The following ZNRF3 variants were observed in gnomAD, a reference collection of about 807,000 sequenced individuals.
The protein encoded by ZNRF3 is zinc and ring finger 3.
ZNRF3 carries 23 observed loss-of-function variants against 72.5 expected under a neutral mutation model. That is an observed-to-expected ratio of 0.32 (90% CI 0.23 to 0.45). The LOEUF (loss-of-function observed/expected upper bound fraction) is 0.45. ZNRF3 is among the 20% of genes least tolerant of loss of function. ZNRF3 has a pLI of 1.00. For synonymous variants in ZNRF3, 610 were observed against 545.3 expected, an observed-to-expected ratio of 1.12 and a Z score of -1.65; for missense variants, 1,169 against 1,272.1, an observed-to-expected ratio of 0.92 and a Z score of 1.23.
chr22:28,970,973 C>T (rs1188342825), intron 1 of ZNRF3, among the ~76,000 whole-genome samples: 1 of 152,180 alleles, frequency 6.6e-6, no homozygotes, highest in African/African-American at 2.4e-5. Flanking sequence ...TCAAAACTCA[C>T]TACACATTGT....
chr22:28,944,423 C>A (rs966031281), intron 1 of ZNRF3, among the ~76,000 whole-genome samples: 43 of 151,602 alleles, frequency 2.8e-4, no homozygotes, highest in African/African-American at 1.0e-3. Flanking sequence ...GAGATTGAGA[C>A]CATCCTGGCT....
At chr22:28,983,225 G>A (rs1281196580) in intron 1 of ZNRF3, among the ~76,000 whole-genome samples, 1 of 152,204 alleles carries the variant, frequency 6.6e-6, no homozygotes, top group Non-Finnish European at 1.5e-5. Context: ...AGGAAGATTT[G>A]ATAGAGGAGT....
chr22:28,962,588 T>C (rs1475448463), intron 1 of ZNRF3, among the ~76,000 whole-genome samples: 1 of 152,190 alleles, frequency 6.6e-6, no homozygotes, highest in African/African-American at 2.4e-5. Flanking sequence ...ATTTCTTCCA[T>C]AGTTATAGAT....
chr22:29,014,016 G>A (rs765648813), intron 2 of ZNRF3, among the ~76,000 whole-genome samples: 2 of 152,140 alleles, frequency 1.3e-5, no homozygotes, highest in African/African-American at 2.4e-5. Context: ...TCTGTGTTCA[G>A]AGAAAAACAT....
chr22:28,970,375 G>A (rs2035547697), intron 1 of ZNRF3, among the ~76,000 whole-genome samples: 1 of 152,208 alleles, frequency 6.6e-6, no homozygotes. Context: ...AAAAGTGTCA[G>A]TGAGGAAGTG....
intron 2 of ZNRF3, among the ~76,000 whole-genome samples, chr22:29,029,609 G>A (rs778743834): frequency 1.3e-5 from 2 of 152,178 alleles, no homozygotes; most frequent in African/African-American, 2.4e-5. Context: ...AAATAACTGC[G>A]AAACTTCTAA....
rs193298765 is a variant in ZNRF3 at position 29,006,302 on chromosome 22, C to T, written c.426+19101C>T. On this transcript the variant is annotated intron_variant, in intron 2 of 8. Coordinates refer to ENST00000544604, the MANE Select transcript of ZNRF3 (RefSeq NM_001206998.2). ...AATCTCGGCTCACCGCAACCTCCAC[C>T]TCCCGGGTTAAAGCGATTCTCCTGC... Among the ~76,000 whole-genome samples the T allele has an allele frequency of 2.0e-4, 30 of 150,954 alleles. No homozygotes were observed. In the South Asian group the frequency reaches 5.7e-3, roughly 29 times the overall value.
At chr22:29,046,604 G>A (rs898988868) in intron 5 of ZNRF3, 112 bp from the exon 6 acceptor site, 14 of 1,222,754 alleles carry the variant, frequency 1.1e-5, no homozygotes, top group Middle Eastern at 2.6e-4. Flanking sequence ...AGTCTGTTCC[G>A]GCATGATAGA....
At chr22:28,918,952 G>C (rs1355497935) in intron 1 of ZNRF3, among the ~76,000 whole-genome samples, 2 of 152,212 alleles carry the variant, frequency 1.3e-5, no homozygotes, top group Non-Finnish European at 2.9e-5. Flanking sequence ...GAAAGTGCAA[G>C]ACACTTCTCT....
intron 2 of ZNRF3, among the ~76,000 whole-genome samples, chr22:29,016,026 A>AC (rs970681002): frequency 7.0e-5 from 10 of 143,152 alleles, no homozygotes; most frequent in South Asian, 2.1e-4. Flanking sequence ...AAAAAAAAAA[A>AC]AAACAAAAAA....
intron 1 of ZNRF3, among the ~76,000 whole-genome samples, chr22:28,934,193 T>A (rs1363787518): frequency 6.6e-6 from 1 of 152,200 alleles, no homozygotes; most frequent in Non-Finnish European, 1.5e-5. Flanking sequence ...TTTGGAGCTG[T>A]CGTGCCTAAT....
At chr22:28,892,457 T>G (rs2033907904) in intron 1 of ZNRF3, among the ~76,000 whole-genome samples, 1 of 152,274 alleles carries the variant, frequency 6.6e-6, no homozygotes, top group African/African-American at 2.4e-5. Flanking sequence ...CAACTCATTT[T>G]TACCTACCTT....
chr22:28,992,195 A>T (rs1601638322), intron 2 of ZNRF3, among the ~76,000 whole-genome samples: 1 of 30,458 alleles, frequency 3.3e-5, no homozygotes, highest in African/African-American at 1.2e-4. Context: ...CCCGCACACC[A>T]CCCCCCACCC....
intron 2 of ZNRF3, among the ~76,000 whole-genome samples, chr22:29,016,247 T>G (rs1449627680): frequency 2.0e-5 from 3 of 152,176 alleles, no homozygotes; most frequent in Non-Finnish European, 2.9e-5. Context: ...CCCTGTCAGG[T>G]GCATTCTGGG....
At chr22:29,020,776 G>GGT (rs3037492) in intron 2 of ZNRF3, among the ~76,000 whole-genome samples, 9,501 of 85,974 alleles carry the variant, frequency 0.11, 325 homozygotes, top group East Asian at 0.17. Flanking sequence ...TGTGTGTGTG[G>GGT]GTGTGTGTGT....
intron 1 of ZNRF3, among the ~76,000 whole-genome samples, chr22:28,986,167 T>C (rs191418146): frequency 1.3e-5 from 2 of 152,320 alleles, no homozygotes; most frequent in African/African-American, 4.8e-5. Flanking sequence ...TATGCACAGG[T>C]TCTGGAGATT....
At chr22:28,963,416 C>T (rs2035401656) in intron 1 of ZNRF3, among the ~76,000 whole-genome samples, 1 of 152,072 alleles carries the variant, frequency 6.6e-6, no homozygotes, top group Non-Finnish European at 1.5e-5. Flanking sequence ...AAGAGATGCA[C>T]TAGATGAAAA....
intron 1 of ZNRF3, among the ~76,000 whole-genome samples, chr22:28,937,211 ATATATTTT>A (rs1306095855): frequency 6.1e-4 from 2 of 3,256 alleles, no homozygotes; most frequent in African/African-American, 1.1e-3. Flanking sequence ...ATATATATAT[ATATATTTT>A]TTTTTTTTTT....
At chr22:29,013,938 G>C (rs1199569273) in intron 2 of ZNRF3, among the ~76,000 whole-genome samples, 1 of 152,244 alleles carries the variant, frequency 6.6e-6, no homozygotes, top group East Asian at 1.9e-4. Context: ...AAGCAACCAT[G>C]GGCCTCACAG....
Sources: gnomAD v4.1 joint callset for allele counts (sites outside exome capture counted in the v4.1 genomes callset) on GRCh38, gnomAD v4.1.1 for gene constraint, MANE v1.5 for transcripts, NCBI Gene and HGNC (gene_info 2026-07-23, HGNC 2026-07-21) for gene names.